Variants in LRP1B observed in about 807,000 individuals in gnomAD.
LRP1B encodes the protein low-density lipoprotein receptor-related protein 1B.
In LRP1B, 217 loss-of-function variants were observed where a neutral mutation model predicts 556.6. The observed-to-expected ratio is 0.39, with a 90% CI of 0.35 to 0.44. The LOEUF (loss-of-function observed/expected upper bound fraction) is 0.44. Ranked by LOEUF, LRP1B falls within the 20% of genes least tolerant of loss-of-function variation. The pLI is 1.00. For synonymous variants in LRP1B, 2,047 were observed against 1,865.8 expected (o/e 1.10, Z -2.50); for missense variants, 5,053 against 5,620.8 (o/e 0.90, Z 3.23).
intron 59 of LRP1B, among the ~76,000 whole-genome samples, chr2:140,477,386 A>G (rs1034166858): frequency 1.1e-4 from 16 of 152,140 alleles, no homozygotes; most frequent in African/African-American, 3.6e-4. Flanking sequence ...ATAAAAATTA[A>G]AAGTAATAAT....
Position 141,600,689 on chromosome 2 carries a change from G to GA in LRP1B, c.206-120157dup, listed in dbSNP as rs570797499. On this transcript the variant is annotated intron_variant, in intron 2 of 90. Transcript: ENST00000389484. ...AGCAGGGTCTCTGCCCATAAAATAA[G>GA]AAAAATTTCTTTATTCATTGGATTC... Among the ~76,000 whole-genome samples, 491 of 152,202 alleles carry GA rather than the reference G, an allele frequency of 3.2e-3. 2 individuals are homozygous for GA. Among genetic ancestry groups the GA allele is most frequent in the African/African-American group, 9.7e-3 (403 of 41,532 alleles).
chr2:141,065,791 T>C (rs1308652109), intron 7 of LRP1B, among the ~76,000 whole-genome samples: 2 of 151,814 alleles, frequency 1.3e-5, no homozygotes, highest in African/African-American at 2.4e-5. Context: ...TTCTGAACAC[T>C]TAACTCTCTT....
chr2:141,211,205 C>G (rs1448402945), intron 6 of LRP1B, among the ~76,000 whole-genome samples: 1 of 148,184 alleles, frequency 6.7e-6, no homozygotes, highest in Admixed American at 6.8e-5. Flanking sequence ...CCAGGCTGGT[C>G]TCAAACTCCT....
intron 25 of LRP1B, among the ~76,000 whole-genome samples, chr2:140,881,476 T>C (rs957646805): frequency 1.5e-4 from 23 of 152,098 alleles, no homozygotes; most frequent in African/African-American, 5.3e-4. Context: ...ATCTTAATCA[T>C]ATTAACCTCT....
At position 141,134,470 on chromosome 2, in the gene LRP1B, C is replaced by G. The variant is rs1701441271; in HGVS notation, c.1013+53951G>C. ...TTCTGTGCATTTGCATTTAACATCC[C>G]CTATGGGTACACTCCTCTTCCAACT... On this transcript the variant is annotated intron_variant, in intron 7 of 90. Coordinates refer to ENST00000389484, the MANE Select transcript of LRP1B (RefSeq NM_018557.3). Among the ~76,000 whole-genome samples, 5 of 151,740 alleles carry G rather than the reference C, an allele frequency of 3.3e-5. No individual in the cohort carries two copies. The South Asian group carries it at 1.0e-3, about 32-fold the overall frequency.
chr2:140,956,442 T>C (rs949728532), intron 18 of LRP1B, among the ~76,000 whole-genome samples: 1 of 151,820 alleles, frequency 6.6e-6, no homozygotes. Context: ...ATCTAACATT[T>C]AAACTTCAAT....
chr2:140,438,645 A>C (rs886225130), intron 66 of LRP1B, among the ~76,000 whole-genome samples: 94 of 152,334 alleles, frequency 6.2e-4, no homozygotes, highest in African/African-American at 2.1e-3. Context: ...TACTGTAAAA[A>C]GTTCACGTTC....
At chr2:140,878,608 C>T (rs999786601) in intron 25 of LRP1B, among the ~76,000 whole-genome samples, 7 of 151,944 alleles carry the variant, frequency 4.6e-5, no homozygotes, top group African/African-American at 1.7e-4. Context: ...TTAAACTTAG[C>T]ATTAAAAACA....
intron 7 of LRP1B, among the ~76,000 whole-genome samples, chr2:141,186,141 T>C (rs1359357140): frequency 2.7e-5 from 4 of 150,606 alleles, no homozygotes; most frequent in African/African-American, 4.9e-5. Flanking sequence ...AGGCATCCTT[T>C]TGGGGGGTAA....
In LRP1B at chr2:140,901,401, C is replaced by T. The variant is rs569262188; in HGVS notation, c.3766+1519G>A. 7.7e-4 allele frequency among the ~76,000 whole-genome samples: 117 copies of T among 152,290 alleles called. 1 individual carries two copies. Among genetic ancestry groups the T allele is most frequent in the South Asian group, 8.3e-4 (4 of 4,830 alleles). On this transcript the variant is annotated intron_variant, in intron 23 of 90. Coordinates refer to ENST00000389484, the MANE Select transcript of LRP1B (RefSeq NM_018557.3). ...CTCTAACAAATCTGCCTTTCATTACCTACAACTGTCTTGGTAAATTCTTTT... is the reference window on the plus strand; with the variant it reads ...CTCTAACAAATCTGCCTTTCATTACTTACAACTGTCTTGGTAAATTCTTTT...
intron 2 of LRP1B, among the ~76,000 whole-genome samples, chr2:141,496,291 A>G (rs1683505508): frequency 6.6e-6 from 1 of 151,908 alleles, no homozygotes; most frequent in South Asian, 2.1e-4. Context: ...AAAAAATGCC[A>G]AACTTTAATG....
chr2:140,581,929 A>T (rs1323044205), intron 43 of LRP1B, among the ~76,000 whole-genome samples: 2 of 152,298 alleles, frequency 1.3e-5, no homozygotes, highest in East Asian at 3.9e-4. Context: ...TTCACTTTAA[A>T]TTGATATTGT....
intron 1 of LRP1B, among the ~76,000 whole-genome samples, chr2:141,972,505 T>A (rs956686381): frequency 3.3e-5 from 5 of 151,458 alleles, no homozygotes; most frequent in Non-Finnish European, 1.5e-5. Flanking sequence ...AGGAGGAATT[T>A]CCAGGTGTTA....
chr2:141,854,943 CA>C (rs1243481458), intron 1 of LRP1B, among the ~76,000 whole-genome samples: 1 of 151,980 alleles, frequency 6.6e-6, no homozygotes, highest in Non-Finnish European at 1.5e-5. Context: ...CAAACCTCTT[CA>C]AGTGAATATG....
intron 3 of LRP1B, among the ~76,000 whole-genome samples, chr2:141,335,932 C>T (rs1314918816): frequency 9.9e-5 from 15 of 152,026 alleles, no homozygotes; most frequent in Admixed American, 9.2e-4. Flanking sequence ...TGATTGACTT[C>T]GTTAAAATAA....
At chr2:142,016,563 T>C (rs1349795272) in intron 1 of LRP1B, among the ~76,000 whole-genome samples, 1 of 151,408 alleles carries the variant, frequency 6.6e-6, no homozygotes, top group Admixed American at 6.6e-5. Flanking sequence ...TCATTCTCAA[T>C]AAATTAACAC....
intron 84 of LRP1B, among the ~76,000 whole-genome samples, chr2:140,295,654 C>T (rs768487630): frequency 3.9e-5 from 6 of 152,084 alleles, no homozygotes; most frequent in African/African-American, 9.7e-5. Context: ...ATTCAGAAGC[C>T]TATTTATTTT....
At chr2:140,279,939 A>G (rs1682847390) in intron 84 of LRP1B, among the ~76,000 whole-genome samples, 1 of 151,904 alleles carries the variant, frequency 6.6e-6, no homozygotes, top group Non-Finnish European at 1.5e-5. Flanking sequence ...TTTCTTAAGT[A>G]AAATGTATTG....
intron 2 of LRP1B, among the ~76,000 whole-genome samples, chr2:141,787,755 A>G (rs1695472368): frequency 6.6e-6 from 1 of 152,072 alleles, no homozygotes; most frequent in South Asian, 2.1e-4. Context: ...TTCTTAAAAA[A>G]AAAACCACTG....
Sources: gnomAD v4.1 joint callset for allele counts (sites outside exome capture counted in the v4.1 genomes callset) on GRCh38, gnomAD v4.1.1 for gene constraint, MANE v1.5 for transcripts, NCBI Gene and HGNC (gene_info 2026-07-23, HGNC 2026-07-21) for gene names.